BCAS4: variants seen among roughly 807,000 people sequenced by gnomAD.
BCAS4 encodes breast carcinoma-amplified sequence 4.
In BCAS4, 9 loss-of-function variants were observed where a neutral mutation model predicts 15.7. The ratio of observed to expected loss-of-function variants is 0.57; its 90% CI spans 0.34 to 1.00. BCAS4 has a LOEUF of 1.00. Ranked by LOEUF, BCAS4 falls within the 50% of genes least tolerant of loss-of-function variation. The pLI is 0.02. For synonymous variants in BCAS4, 101 were observed against 99.5 expected, an observed-to-expected ratio of 1.02 and a Z score of -0.09; for missense variants, 225 against 239.1, an observed-to-expected ratio of 0.94 and a Z score of 0.39.
chr20:50,838,204 G>A (rs1600874365), intron 3 of BCAS4, among the ~76,000 whole-genome samples: 1 of 152,322 alleles, frequency 6.6e-6, no homozygotes, highest in East Asian at 1.9e-4. Context: ...ACCCATATGG[G>A]CCCTGTCTCC....
rs183281485 is a variant in BCAS4 at position 50,840,528 on chromosome 20, A to G, written c.265-1238A>G. 2.6e-3 allele frequency: 3,704 copies of G among 1,423,298 alleles called. 40 individuals are homozygous for G. The highest frequency in any genetic ancestry group is 0.014 in the Middle Eastern group (60 of 4,152). The allele number at this position is 1,423,298 out of a possible 1,614,324, so 88.2% of individuals were successfully genotyped here. A position where few individuals can be genotyped will look rare whatever the true frequency, so the allele number is the denominator to read the frequency against. The stretch of plus-strand genomic sequence containing the variant: ...TTTAAACTTGATCCAACCTCTTTGC[A>G]TCTTACAGAGTTAAACAGCTAAAAG... On this transcript the variant is annotated intron_variant, in intron 3 of 4. Transcript: ENST00000371608.
intron 1 of BCAS4, among the ~76,000 whole-genome samples, chr20:50,806,642 G>T (rs1468417864): frequency 6.6e-6 from 1 of 151,942 alleles, no homozygotes; most frequent in South Asian, 2.1e-4. Context: ...CTAGAGCCTC[G>T]CTCACTGGCC....
At chr20:50,873,716 G>T (rs552636250) in intron 4 of BCAS4, among the ~76,000 whole-genome samples, 68 of 152,214 alleles carry the variant, frequency 4.5e-4, no homozygotes, top group African/African-American at 1.6e-3. Flanking sequence ...GCTGGGGAAC[G>T]TGCTAGGAGA....
rs1352870774 is a variant in BCAS4, at chr20:50,795,064, C to A, written c.-20C>A. ...GGGCTCCCAGGCAGCCTCCGCCAGC[C>A]GGACCCCGTCGCCCTCCTGATGCTG... On this transcript the variant is annotated 5_prime_UTR_variant, in exon 1 of 5. Coordinates refer to ENST00000371608, the MANE Select transcript of BCAS4 (RefSeq NM_198799.4). 25 of 1,486,938 alleles carry A rather than the reference C, an allele frequency of 1.7e-5. No individual in the cohort carries two copies. Among genetic ancestry groups the A allele is most frequent in the Non-Finnish European group, 2.0e-5 (22 of 1,118,764 alleles). 92.1% of individuals were successfully genotyped at this position (1,486,938 alleles called of 1,614,324 possible).
At chr20:50,847,714 G>C (rs922642213) in intron 4 of BCAS4, among the ~76,000 whole-genome samples, 6 of 152,142 alleles carry the variant, frequency 3.9e-5, no homozygotes, top group Non-Finnish European at 8.8e-5. Flanking sequence ...CTTGTGTCTG[G>C]TGCAAGAATA....
intron 4 of BCAS4, chr20:50,846,570 AGAGGGTGCAT>A (rs1219517697): frequency 1.3e-5 from 2 of 151,484 alleles, no homozygotes; most frequent in Non-Finnish European, 2.9e-5. Context: ...ATGGCCTGCA[AGAGGGTGCAT>A]GATCTGGTCA....
chr20:50,856,789 ACT>A (rs908400277), intron 4 of BCAS4, among the ~76,000 whole-genome samples: 2 of 151,760 alleles, frequency 1.3e-5, no homozygotes, highest in African/African-American at 4.8e-5. Flanking sequence ...ATAAGCTCTC[ACT>A]CTCTGGCCAG....
At chr20:50,858,133 A>G (rs1208696067) in intron 4 of BCAS4, among the ~76,000 whole-genome samples, 1 of 152,158 alleles carries the variant, frequency 6.6e-6, no homozygotes, top group Non-Finnish European at 1.5e-5. Flanking sequence ...TCAAGTTAGT[A>G]CAGTAATCCC....
At chr20:50,845,282 C>T (rs2088530087) in intron 4 of BCAS4, among the ~76,000 whole-genome samples, 1 of 152,150 alleles carries the variant, frequency 6.6e-6, no homozygotes, top group Non-Finnish European at 1.5e-5. Context: ...GACCGCCGGA[C>T]CTGCTCTCTG....
At chr20:50,836,063 G>A (rs138808206) in intron 3 of BCAS4, among the ~76,000 whole-genome samples, 50 of 152,132 alleles carry the variant, frequency 3.3e-4, no homozygotes, top group South Asian at 1.5e-3. Context: ...GATTACAGGC[G>A]CGTGCCACCA....
At chr20:50,826,292 G>A (rs1271756063) in intron 2 of BCAS4, among the ~76,000 whole-genome samples, 2 of 152,166 alleles carry the variant, frequency 1.3e-5, no homozygotes, top group Non-Finnish European at 2.9e-5. Context: ...GCCAGGCAGA[G>A]CGTGGAGCTG....
intron 3 of BCAS4, among the ~76,000 whole-genome samples, chr20:50,832,517 C>T (rs1300956156): frequency 2.0e-5 from 3 of 152,172 alleles, no homozygotes; most frequent in Non-Finnish European, 4.4e-5. Flanking sequence ...CTCAGCCTCC[C>T]AAAGTGCTGG....
At chr20:50,827,354 T>C (rs1478348317) in intron 2 of BCAS4, among the ~76,000 whole-genome samples, 1 of 152,216 alleles carries the variant, frequency 6.6e-6, no homozygotes, top group African/African-American at 2.4e-5. Context: ...AGCCTTCTTA[T>C]CACATCCCAT....
chr20:50,867,974 G>T (rs752413739), intron 4 of BCAS4, among the ~76,000 whole-genome samples: 2 of 152,186 alleles, frequency 1.3e-5, no homozygotes, highest in Non-Finnish European at 2.9e-5. Context: ...GAGCCACCAC[G>T]CCCAGCCTCA....
chr20:50,824,742 G>A (rs535236065), intron 2 of BCAS4, among the ~76,000 whole-genome samples: 1 of 152,320 alleles, frequency 6.6e-6, no homozygotes, highest in African/African-American at 2.4e-5. Context: ...AAAAGTGGCA[G>A]CTGCCACTCA....
In BCAS4 at chr20:50,851,351, C is replaced by A. The variant is rs979308229; in HGVS notation, c.399+9451C>A. Among the ~76,000 whole-genome samples the A allele has an allele frequency of 1.6e-4, 25 of 152,096 alleles. No homozygotes were observed. The highest frequency in any genetic ancestry group is 6.0e-4 in the African/African-American group (25 of 41,410). On this transcript the variant is annotated intron_variant, in intron 4 of 4. Transcript: ENST00000371608. This position sits in a 1 kb window ranked among gnomAD's most constrained non-coding sequence, Gnocchi z 4.3. ...GGTGCCGGGTCCCAGCCCCCACCTACCAGCCCCCTCCCCACGGCTCCCAGG... is the reference window on the plus strand; with the variant it reads ...GGTGCCGGGTCCCAGCCCCCACCTAACAGCCCCCTCCCCACGGCTCCCAGG...
intron 3 of BCAS4, among the ~76,000 whole-genome samples, chr20:50,834,809 A>T (rs563286792): frequency 6.6e-6 from 1 of 152,256 alleles, no homozygotes; most frequent in South Asian, 2.1e-4. Flanking sequence ...CATACCATAT[A>T]TGGCCTTCTG....
chr20:50,800,149 T>C (rs8118165), intron 1 of BCAS4, among the ~76,000 whole-genome samples: 32,414 of 152,090 alleles, frequency 0.21, 3,662 homozygotes, highest in African/African-American at 0.29. Context: ...TGTGTGTGCA[T>C]AGAGACTCAG....
intron 4 of BCAS4, among the ~76,000 whole-genome samples, chr20:50,847,710 T>C (rs1427541694): frequency 1.3e-5 from 2 of 152,178 alleles, no homozygotes; most frequent in Non-Finnish European, 2.9e-5. Context: ...GGAGCTTGTG[T>C]CTGGTGCAAG....
Sources: allele counts gnomAD v4.1 joint callset (sites outside exome capture counted in the v4.1 genomes callset), GRCh38; gene constraint gnomAD v4.1.1; non-coding constraint Gnocchi (gnomAD v3.1); transcripts MANE v1.5; gene names NCBI Gene and HGNC (gene_info 2026-07-23, HGNC 2026-07-21).